The following TIAM2 variants were observed in gnomAD, a reference collection of about 807,000 sequenced individuals.
The protein encoded by TIAM2 is TIAM Rac1 associated GEF 2, also known as rho guanine nucleotide exchange factor TIAM2.
A neutral mutation model predicts 152.9 loss-of-function variants in TIAM2; 80 were observed. The observed-to-expected ratio is 0.52, with a 90% CI of 0.44 to 0.63. TIAM2 has a LOEUF of 0.63. Among genes scored for constraint, TIAM2 ranks in the 30% least tolerant of loss-of-function variants. The probability of loss-of-function intolerance (pLI) is 0.00; values close to 1 mark genes in which losing one functional copy is unlikely to be tolerated. For synonymous variants in TIAM2, 804 were observed against 838.0 expected, an observed-to-expected ratio of 0.96 and a Z score of 0.70; for missense variants, 1,965 against 2,120.1, an observed-to-expected ratio of 0.93 and a Z score of 1.44.
intron 1 of TIAM2, among the ~76,000 whole-genome samples, chr6:155,087,117 C>T (rs757985831): frequency 2.0e-5 from 3 of 152,080 alleles, no homozygotes; most frequent in Non-Finnish European, 2.9e-5. Flanking sequence ...GACACTTAAG[C>T]TGGGTCTTGA....
chr6:155,058,136 G>A (rs1372251264), intron 1 of TIAM2, among the ~76,000 whole-genome samples: 3 of 152,136 alleles, frequency 2.0e-5, no homozygotes, highest in African/African-American at 7.2e-5. Context: ...TTTCTCCAAG[G>A]AGCCCTGGTT....
intron 7 of TIAM2, among the ~76,000 whole-genome samples, chr6:155,160,750 AG>A (rs1780247544): frequency 6.7e-6 from 1 of 150,202 alleles, no homozygotes; most frequent in Non-Finnish European, 1.5e-5. Flanking sequence ...TATCAGAGTG[AG>A]ACCATGTCTC....
intron 2 of TIAM2, among the ~76,000 whole-genome samples, chr6:155,099,260 G>C (rs1338879042): frequency 7.6e-6 from 1 of 132,348 alleles, no homozygotes; most frequent in Non-Finnish European, 1.6e-5. Flanking sequence ...GTGTGTGTGT[G>C]TAATAAAATA....
intron 7 of TIAM2, among the ~76,000 whole-genome samples, chr6:155,151,851 T>C (rs1258428373): frequency 6.7e-6 from 1 of 148,236 alleles, no homozygotes; most frequent in Non-Finnish European, 1.5e-5. Flanking sequence ...TTTTTTTTCT[T>C]TTTTTTTTTT....
rs1784155986 is a variant in TIAM2, at chr6:155,257,653, TTGTAC to T, written c.*537_*541del. The stretch of plus-strand genomic sequence containing the variant: ...TATACAGTATATATTAAAAGAAAGC[TTGTAC>T]TGTATCTTATTTGATGATATTTATT... On this transcript the variant is annotated 3_prime_UTR_variant, in exon 27 of 27. Transcript: ENST00000682666. 1 of 645,584 alleles carries T rather than the reference TTGTAC, an allele frequency of 1.5e-6. No individual in the cohort carries two copies. The highest frequency in any genetic ancestry group is 1.9e-5 in the South Asian group (1 of 51,458). 40.0% of individuals were successfully genotyped at this position (645,584 alleles called of 1,614,324 possible).
chr6:155,155,810 G>A (rs1780092338), intron 7 of TIAM2, among the ~76,000 whole-genome samples: 1 of 152,214 alleles, frequency 6.6e-6, no homozygotes, highest in Non-Finnish European at 1.5e-5. Context: ...AGAATGTTTG[G>A]TTTAGTTAAA....
intron 1 of TIAM2, among the ~76,000 whole-genome samples, chr6:155,034,856 G>A (rs558794381): frequency 4.7e-4 from 71 of 152,236 alleles, no homozygotes; most frequent in African/African-American, 1.5e-3. Context: ...GATGCTAGCC[G>A]CAGATGTTTT....
chr6:155,158,451 A>G lies in TIAM2; in HGVS notation c.2029-5964A>G, dbSNP rs924951093. On this transcript the variant is annotated intron_variant, in intron 7 of 26. Transcript: ENST00000682666. ...GTAACTTCCTTTCACAATGAAAGAT[A>G]ATGAAAACCTTCTCAGAGTGAGTTT... 2.0e-5 allele frequency among the ~76,000 whole-genome samples: 3 copies of G among 152,342 alleles called. No individual in the cohort carries two copies. The East Asian group carries it at 5.8e-4, about 29-fold the overall frequency.
chr6:155,182,261 C>T lies in TIAM2; in HGVS notation c.2743C>T (p.His915Tyr). 1 of 1,614,154 alleles carries T rather than the reference C, an allele frequency of 6.2e-7. No homozygotes were observed. The highest frequency in any genetic ancestry group is 1.1e-5 in the South Asian group (1 of 91,078). ...TACAGCGCAGGTGGATGAGCGTCAG[C>T]ATCTCAGCCGGATATTTATAAGCGA... ...AVTAQVDERQ[H>Y]LSRIFISDVL... The change falls in exon 13 of 27, where the codon CAT becomes TAT. Residue 915 changes from histidine (H) to tyrosine (Y), a missense_variant. This residue lies in a region of TIAM2 where 935 missense variants were observed against 980.0 expected (regional missense o/e 0.95). Transcript: ENST00000682666.
intron 1 of TIAM2, among the ~76,000 whole-genome samples, chr6:155,051,605 G>T (rs903942702): frequency 1.3e-5 from 2 of 151,952 alleles, no homozygotes; most frequent in African/African-American, 4.8e-5. Flanking sequence ...CTGCTTGCAA[G>T]ATATTTTTGG....
At chr6:155,028,405 CTG>C (rs1258121072) in intron 1 of TIAM2, among the ~76,000 whole-genome samples, 4 of 123,620 alleles carry the variant, frequency 3.2e-5, no homozygotes, top group Non-Finnish European at 3.2e-5. Flanking sequence ...CATATATATA[CTG>C]TGTTACATAT....
intron 1 of TIAM2, among the ~76,000 whole-genome samples, chr6:155,030,901 T>G (rs181322532): frequency 1.3e-5 from 2 of 152,268 alleles, no homozygotes; most frequent in Non-Finnish European, 2.9e-5. Flanking sequence ...GTTAGAAGAC[T>G]TGGGGAAATA....
intron 12 of TIAM2, among the ~76,000 whole-genome samples, chr6:155,180,427 G>GT (rs1346378198): frequency 3.3e-5 from 5 of 152,058 alleles, no homozygotes; most frequent in African/African-American, 1.2e-4. Flanking sequence ...ATAATGATTG[G>GT]TAAATACCTC....
At chr6:155,072,948 G>A (rs1319644396) in intron 1 of TIAM2, among the ~76,000 whole-genome samples, 2 of 152,126 alleles carry the variant, frequency 1.3e-5, no homozygotes, top group Non-Finnish European at 1.5e-5. Context: ...TGAATGAAAA[G>A]TGTTACTAAA....
chr6:155,041,200 C>T (rs990869706), intron 1 of TIAM2, among the ~76,000 whole-genome samples: 3 of 152,184 alleles, frequency 2.0e-5, no homozygotes, highest in African/African-American at 7.2e-5. Flanking sequence ...CATTACCATT[C>T]AAGTAGGGCT....
chr6:155,166,601 G>A (rs75734027), intron 9 of TIAM2, among the ~76,000 whole-genome samples: 15,563 of 152,260 alleles, frequency 0.1, 881 homozygotes, highest in Middle Eastern at 0.16. Flanking sequence ...GATTACAGGC[G>A]TGAGCCACCG....
intron 15 of TIAM2, among the ~76,000 whole-genome samples, chr6:155,223,527 C>CTTTTTTTTTTTTTTTTTT (rs11385281): frequency 1.5e-5 from 2 of 130,872 alleles, no homozygotes; most frequent in Non-Finnish European, 1.6e-5. Context: ...ATTTTTTTTT[C>CTTTTTTTTTTTTTTTTTT]TTTTTTTTTT....
At chr6:155,006,958 T>C (rs1487519220) in intron 1 of TIAM2, among the ~76,000 whole-genome samples, 2 of 152,138 alleles carry the variant, frequency 1.3e-5, no homozygotes, top group Non-Finnish European at 2.9e-5. Context: ...CCCAAAGTGT[T>C]GGGATTACAG....
chr6:155,042,472 G>T (rs1218545076), intron 1 of TIAM2, among the ~76,000 whole-genome samples: 1 of 152,174 alleles, frequency 6.6e-6, no homozygotes, highest in Non-Finnish European at 1.5e-5. Context: ...GGGACCTGTA[G>T]TCCCAGCTTA....
Sources: allele counts gnomAD v4.1 joint callset (sites outside exome capture counted in the v4.1 genomes callset), GRCh38; gene constraint gnomAD v4.1.1; regional missense constraint gnomAD v4.1.1; transcripts MANE v1.5; gene names NCBI Gene and HGNC (gene_info 2026-07-23, HGNC 2026-07-21).